Variants in NPAS3 observed in about 807,000 individuals in gnomAD.
NPAS3 encodes the protein neuronal PAS domain-containing protein 3.
In NPAS3, 14 loss-of-function variants were observed where a neutral mutation model predicts 73.1. The observed-to-expected ratio is 0.19, with a 90% CI of 0.13 to 0.30. The LOEUF is 0.30. NPAS3 is among the 10% of genes least tolerant of loss of function. NPAS3 has a pLI of 1.00. For synonymous variants in NPAS3, 620 were observed against 541.5 expected (o/e 1.14, Z -2.01); for missense variants, 1,096 against 1,250.0 (o/e 0.88, Z 1.86).
intron 9 of NPAS3, among the ~76,000 whole-genome samples, chr14:33,778,840 G>A (rs1214175566): frequency 6.6e-6 from 1 of 152,160 alleles, no homozygotes; most frequent in African/African-American, 2.4e-5. Flanking sequence ...CCTATAAAGT[G>A]GTGGGGAAAC....
At chr14:33,211,801 AAG>A (rs1478268858) in intron 2 of NPAS3, among the ~76,000 whole-genome samples, 2 of 152,180 alleles carry the variant, frequency 1.3e-5, no homozygotes, top group Non-Finnish European at 2.9e-5. Context: ...AGTCATCAAA[AAG>A]AGTTGAAATT....
intron 4 of NPAS3, among the ~76,000 whole-genome samples, chr14:33,536,615 C>G (rs867646926): frequency 6.6e-6 from 1 of 151,726 alleles, no homozygotes; most frequent in South Asian, 2.1e-4. Flanking sequence ...AAAAGCTAGA[C>G]TATAATGCAA....
At chr14:33,750,310 A>C (rs2061927614) in intron 7 of NPAS3, among the ~76,000 whole-genome samples, 1 of 152,068 alleles carries the variant, frequency 6.6e-6, no homozygotes, top group Non-Finnish European at 1.5e-5. Context: ...ATCATCACTG[A>C]CATCAAAAAT....
At chr14:33,664,728 C>G (rs1463200499) in intron 5 of NPAS3, among the ~76,000 whole-genome samples, 1 of 152,204 alleles carries the variant, frequency 6.6e-6, no homozygotes, top group African/African-American at 2.4e-5. Context: ...CAAAAGAAGA[C>G]ATTTATGTGG....
In NPAS3 at chr14:33,310,790, T is replaced by TACACACAC. The variant is rs57506320; in HGVS notation, c.386-56358_386-56351dup. 6.3e-3 allele frequency among the ~76,000 whole-genome samples: 899 copies of TACACACAC among 142,244 alleles called. 5 individuals carry two copies. The highest frequency in any genetic ancestry group is 0.015 in the South Asian group (62 of 4,138). The allele number at this position is 142,244 out of a possible 152,430, so 93.3% of individuals were successfully genotyped here. A position where few individuals can be genotyped will look rare whatever the true frequency, so the allele number is the denominator to read the frequency against. On this transcript the variant is annotated intron_variant, in intron 3 of 11. Coordinates refer to ENST00000356141, the Ensembl canonical transcript of NPAS3. ...AAATTCAGTAGAATGAAATGTATGG[T>TACACACAC]ACACACACACACACACACACACACA...
At chr14:33,143,491 CAAAA>C (rs951065915) in intron 2 of NPAS3, among the ~76,000 whole-genome samples, 1 of 140,522 alleles carries the variant, frequency 7.1e-6, no homozygotes, top group African/African-American at 2.6e-5. Context: ...AACTCTGTCT[CAAAA>C]AAAAAAAAGT....
chr14:33,136,914 C>T (rs1010176756), intron 2 of NPAS3, among the ~76,000 whole-genome samples: 9 of 152,046 alleles, frequency 5.9e-5, no homozygotes, highest in African/African-American at 1.2e-4. Context: ...AATATGCTCC[C>T]GAAGGACCAG....
At chr14:33,333,055 A>G (rs1397871729) in intron 3 of NPAS3, among the ~76,000 whole-genome samples, 3 of 152,212 alleles carry the variant, frequency 2.0e-5, no homozygotes, top group Non-Finnish European at 2.9e-5. Context: ...ATATGCATAC[A>G]ATAGTCAGAG....
chr14:33,760,926 A>G (rs2140826843), intron 7 of NPAS3, among the ~76,000 whole-genome samples: 1 of 152,340 alleles, frequency 6.6e-6, no homozygotes, highest in East Asian at 1.9e-4. Context: ...ATCCATTGCA[A>G]AACTGCAGGA....
chr14:33,257,798 T>C (rs1400579957), intron 3 of NPAS3, among the ~76,000 whole-genome samples: 1 of 152,208 alleles, frequency 6.6e-6, no homozygotes. Flanking sequence ...TGCCTTTTTG[T>C]CTTTTAATGT....
chr14:33,801,761 A>T (rs1256497359), downstream of NPAS3: 4 of 152,356 alleles, frequency 2.6e-5, no homozygotes, highest in African/African-American at 4.8e-5. Context: ...ACTAAATGTT[A>T]ATTACTGAAA....
Position 33,442,117 on chromosome 14 carries a change from T to C in NPAS3, c.468+74849T>C, listed in dbSNP as rs557260334. ...CATACTCAGTGTACCAATATTCTTA[T>C]GTGGTCTCAGTAGGGTGAAGACTGG... On this transcript the variant is annotated intron_variant, in intron 4 of 11. Coordinates refer to ENST00000356141, the Ensembl canonical transcript of NPAS3. Among the ~76,000 whole-genome samples the C allele has an allele frequency of 2.0e-5, 3 of 152,346 alleles. No homozygotes were observed. The East Asian group carries it at 5.8e-4, about 29-fold the overall frequency.
At chr14:33,477,651 C>T (rs78355135) in intron 4 of NPAS3, among the ~76,000 whole-genome samples, 2,582 of 152,212 alleles carry the variant, frequency 0.017, 26 homozygotes, top group Non-Finnish European at 0.023. Context: ...TTAAACACTT[C>T]GGATCCAAAA....
chr14:33,207,656 C>T (rs1340930608), intron 2 of NPAS3, among the ~76,000 whole-genome samples: 2 of 152,156 alleles, frequency 1.3e-5, no homozygotes, highest in African/African-American at 2.4e-5. Flanking sequence ...CACAAACATC[C>T]ATTGTTAGGA....
chr14:33,363,735 A>G (rs1390299606), intron 3 of NPAS3, among the ~76,000 whole-genome samples: 1 of 152,210 alleles, frequency 6.6e-6, no homozygotes, highest in African/African-American at 2.4e-5. Flanking sequence ...AATTTTCAAC[A>G]TCAAATAGGC....
At chr14:33,760,574 A>G (rs17101856) in intron 7 of NPAS3, among the ~76,000 whole-genome samples, 31,206 of 152,034 alleles carry the variant, frequency 0.21, 3,469 homozygotes, top group African/African-American at 0.25. Flanking sequence ...TACATCTGTC[A>G]TTCAACTGCT....
intron 5 of NPAS3, among the ~76,000 whole-genome samples, chr14:33,639,062 C>T (rs556650559): frequency 2.0e-5 from 3 of 152,182 alleles, no homozygotes; most frequent in Non-Finnish European, 2.9e-5. Flanking sequence ...AAGGTTAATA[C>T]ACCAAAGCCT....
chr14:32,959,825 G>C (rs2036832054), intron 1 of NPAS3, among the ~76,000 whole-genome samples: 1 of 152,178 alleles, frequency 6.6e-6, no homozygotes, highest in Non-Finnish European at 1.5e-5. Flanking sequence ...TTCATGTAGT[G>C]ATGGTATCTA....
At chr14:33,407,554 T>A (rs991901886) in intron 4 of NPAS3, among the ~76,000 whole-genome samples, 14 of 152,198 alleles carry the variant, frequency 9.2e-5, no homozygotes, top group Admixed American at 8.5e-4. Flanking sequence ...ATATCAGTGA[T>A]GGCATATGGT....
Sources: allele counts gnomAD v4.1 joint callset (sites outside exome capture counted in the v4.1 genomes callset), GRCh38; gene constraint gnomAD v4.1.1; transcripts MANE v1.5; gene names NCBI Gene and HGNC (gene_info 2026-07-23, HGNC 2026-07-21).